Variants in KCNQ3 observed in about 807,000 individuals in gnomAD.
KCNQ3 encodes the protein potassium voltage-gated channel subfamily Q member 3.
In KCNQ3, 30 loss-of-function variants were observed where a neutral mutation model predicts 92.5. The ratio of observed to expected loss-of-function variants is 0.32; its 90% CI spans 0.24 to 0.44. The LOEUF is 0.44. KCNQ3 is among the 20% of genes least tolerant of loss of function. The pLI is 1.00. For missense variants in KCNQ3, 913 were observed against 1,140.3 expected (o/e 0.80, Z 2.87); for synonymous variants, 450 against 468.8 (o/e 0.96, Z 0.52).
intron 1 of KCNQ3, among the ~76,000 whole-genome samples, chr8:132,201,738 C>T (rs1284915619): frequency 1.3e-5 from 2 of 152,142 alleles, no homozygotes; most frequent in Non-Finnish European, 2.9e-5. Context: ...TCCAGCAGCT[C>T]TCCCAGGTTA....
chr8:132,190,347 C>T (rs957729766), intron 1 of KCNQ3, among the ~76,000 whole-genome samples: 3 of 152,016 alleles, frequency 2.0e-5, no homozygotes, highest in African/African-American at 7.2e-5. Flanking sequence ...GATAAGATGT[C>T]ACTACTCTGT....
intron 1 of KCNQ3, among the ~76,000 whole-genome samples, chr8:132,363,221 A>ATAT (rs1161288905): frequency 6.6e-6 from 1 of 152,220 alleles, no homozygotes; most frequent in African/African-American, 2.4e-5. Context: ...GTTCAGAAGG[A>ATAT]TATTGGTAGA....
chr8:132,361,398 A>G (rs772645027), intron 1 of KCNQ3, among the ~76,000 whole-genome samples: 1 of 152,188 alleles, frequency 6.6e-6, no homozygotes, highest in Non-Finnish European at 1.5e-5. Flanking sequence ...TTTATGTCTA[A>G]TATGTTCTTT....
chr8:132,425,686 C>T (rs1332074851), intron 1 of KCNQ3, among the ~76,000 whole-genome samples: 4 of 152,196 alleles, frequency 2.6e-5, no homozygotes, highest in Non-Finnish European at 2.9e-5. Context: ...TTTCAAGGAA[C>T]TCCTGGGGGA....
chr8:132,373,068 C>A lies in KCNQ3; in HGVS notation c.386+107079G>T, dbSNP rs1020010265. ...TTGGGATTCTGATTCGCTAATGGAC[C>A]ACCAGGCTCATCCCATCTCCCTGCG... is the stretch of plus-strand genomic sequence containing the variant. On this transcript the variant is annotated intron_variant, in intron 1 of 14. Coordinates refer to ENST00000388996, the MANE Select transcript of KCNQ3 (RefSeq NM_004519.4). 1.7e-4 allele frequency among the ~76,000 whole-genome samples: 26 copies of A among 151,824 alleles called. 1 individual carries two copies. The highest frequency in any genetic ancestry group is 2.1e-4 in the Non-Finnish European group (14 of 68,038).
chr8:132,253,775 G>A (rs553667376), intron 1 of KCNQ3, among the ~76,000 whole-genome samples: 54 of 152,324 alleles, frequency 3.5e-4, no homozygotes, highest in African/African-American at 1.2e-3. Flanking sequence ...ACAGCACTCA[G>A]AGAACCCAAC....
rs151280816 is a variant in KCNQ3, at chr8:132,453,475, C to T, written c.386+26672G>A. Among the ~76,000 whole-genome samples, 71 of 152,228 alleles carry T rather than the reference C, an allele frequency of 4.7e-4. 1 individual carries two copies. The East Asian group carries it at 0.013, about 28-fold the overall frequency. On this transcript the variant is annotated intron_variant, in intron 1 of 14. Coordinates refer to ENST00000388996, the MANE Select transcript of KCNQ3 (RefSeq NM_004519.4). Reference sequence around the variant, plus strand: ...GGACCCTCAAGGCCAGTGGCACAGACTCTGTGTATCTTCGGCTGTTCTTAC... The same window carrying T: ...GGACCCTCAAGGCCAGTGGCACAGATTCTGTGTATCTTCGGCTGTTCTTAC...
intron 1 of KCNQ3, among the ~76,000 whole-genome samples, chr8:132,327,842 C>G (rs1818104257): frequency 6.6e-6 from 1 of 152,070 alleles, no homozygotes; most frequent in Non-Finnish European, 1.5e-5. Flanking sequence ...TGCATGAAGC[C>G]CCCCATGGTG....
chr8:132,404,950 A>G (rs1198118087), intron 1 of KCNQ3, among the ~76,000 whole-genome samples: 1 of 152,194 alleles, frequency 6.6e-6, no homozygotes, highest in East Asian at 1.9e-4. Flanking sequence ...AAGACTCCCA[A>G]GTGACCCACC....
chr8:132,414,527 T>A (rs573362328), intron 1 of KCNQ3, among the ~76,000 whole-genome samples: 1 of 152,256 alleles, frequency 6.6e-6, no homozygotes, highest in Non-Finnish European at 1.5e-5. Context: ...GAATCCATGA[T>A]TTTGGAGGAT....
intron 1 of KCNQ3, among the ~76,000 whole-genome samples, chr8:132,375,002 C>T (rs1819572615): frequency 6.6e-6 from 1 of 152,148 alleles, no homozygotes; most frequent in Admixed American, 6.5e-5. Flanking sequence ...GTGTACATGT[C>T]TTTGTGGTAG....
intron 10 of KCNQ3, 21 bp downstream of exon 10, chr8:132,141,108 A>G: frequency 1.9e-6 from 3 of 1,607,844 alleles, no homozygotes; most frequent in Non-Finnish European, 2.6e-6. Context: ...AGAGACAGGG[A>G]GGGAGATAAA....
chr8:132,323,802 A>G (rs928881481), intron 1 of KCNQ3, among the ~76,000 whole-genome samples: 1 of 152,044 alleles, frequency 6.6e-6, no homozygotes, highest in Admixed American at 6.5e-5. Flanking sequence ...GCGCACCTCA[A>G]TTCCACTGCC....
chr8:132,215,493 A>G (rs956903202), intron 1 of KCNQ3, among the ~76,000 whole-genome samples: 9 of 152,212 alleles, frequency 5.9e-5, no homozygotes, highest in Non-Finnish European at 1.3e-4. Context: ...AGGAAAAGAG[A>G]AAGAAATGTG....
At chr8:132,417,237 CAG>C (rs979959650) in intron 1 of KCNQ3, among the ~76,000 whole-genome samples, 6 of 152,176 alleles carry the variant, frequency 3.9e-5, no homozygotes, top group African/African-American at 1.4e-4. Flanking sequence ...TTGGCAATAA[CAG>C]AGAACTGTTA....
intron 1 of KCNQ3, among the ~76,000 whole-genome samples, chr8:132,414,709 T>C (rs1820747025): frequency 2.0e-5 from 3 of 151,978 alleles, no homozygotes; most frequent in East Asian, 1.9e-4. Context: ...ATGATCCTTT[T>C]AGGAGAAACA....
At chr8:132,130,041 G>C in intron 14 of KCNQ3, 45 bp from the exon 15 acceptor site, 1 of 1,605,200 alleles carries the variant, frequency 6.2e-7, no homozygotes, top group East Asian at 2.2e-5. Flanking sequence ...CTCTGAGGGT[G>C]GGGATCGTTG....
At chr8:132,350,122 C>T (rs1305829327) in intron 1 of KCNQ3, among the ~76,000 whole-genome samples, 1 of 152,190 alleles carries the variant, frequency 6.6e-6, no homozygotes, top group African/African-American at 2.4e-5. Context: ...AAATGGCACA[C>T]TTAGTGAGGT....
intron 8 of KCNQ3, among the ~76,000 whole-genome samples, chr8:132,169,214 C>A (rs957822244): frequency 1.3e-5 from 2 of 152,132 alleles, no homozygotes; most frequent in Non-Finnish European, 2.9e-5. Flanking sequence ...ACCCCAGGGG[C>A]TCCTGTTCAG....
Sources: allele counts gnomAD v4.1 joint callset (sites outside exome capture counted in the v4.1 genomes callset), GRCh38; gene constraint gnomAD v4.1.1; transcripts MANE v1.5; gene names NCBI Gene and HGNC (gene_info 2026-07-23, HGNC 2026-07-21).